Variants in NREP observed in about 807,000 individuals in gnomAD.
NREP encodes the protein neuronal regeneration related protein, also known as neuronal regeneration-related protein.
Under a neutral mutation model 8.6 loss-of-function variants are expected in NREP, and 5 were observed. The observed-to-expected ratio is 0.58, with a 90% CI of 0.30 to 1.22. The LOEUF (loss-of-function observed/expected upper bound fraction) is 1.22, where lower values mean the gene tolerates loss of function less well. Ranked by LOEUF, NREP falls within the 50% of genes most tolerant of loss-of-function variation. The probability of loss-of-function intolerance (pLI) is 0.07; values close to 1 mark genes in which losing one functional copy is unlikely to be tolerated. For missense variants in NREP, 86 were observed against 82.5 expected, an observed-to-expected ratio of 1.04 and a Z score of -0.17; for synonymous variants, 27 against 28.0, an observed-to-expected ratio of 0.96 and a Z score of 0.11.
chr5:111,969,011 T>C (rs1487891356), intron 2 of NREP, among the ~76,000 whole-genome samples: 3 of 152,200 alleles, frequency 2.0e-5, no homozygotes. Flanking sequence ...ACAGACACAA[T>C]GCATCCAGAG....
At chr5:111,785,930 G>A (rs1269725807) in intron 2 of NREP, among the ~76,000 whole-genome samples, 1 of 152,110 alleles carries the variant, frequency 6.6e-6, no homozygotes, top group Non-Finnish European at 1.5e-5. Flanking sequence ...TGCAGAGAGA[G>A]TATGAAAACA....
chr5:111,922,420 T>C (rs1755269471), intron 2 of NREP, among the ~76,000 whole-genome samples: 1 of 152,128 alleles, frequency 6.6e-6, no homozygotes, highest in South Asian at 2.1e-4. Context: ...GTCCTTTATG[T>C]TTGACATCGA....
intron 2 of NREP, chr5:111,739,414 C>A (rs924412259): frequency 2.6e-5 from 4 of 152,266 alleles, no homozygotes; most frequent in African/African-American, 9.6e-5. Context: ...TAACAAGACC[C>A]ACATGAACCC....
chr5:111,869,830 A>G (rs928633308), intron 2 of NREP, among the ~76,000 whole-genome samples: 2 of 152,166 alleles, frequency 1.3e-5, no homozygotes, highest in Admixed American at 1.3e-4. Flanking sequence ...AAGAGGAGGG[A>G]CCAGCCTAAA....
At chr5:111,919,284 A>G (rs779503051) in intron 2 of NREP, among the ~76,000 whole-genome samples, 22 of 152,194 alleles carry the variant, frequency 1.4e-4, no homozygotes, top group African/African-American at 4.1e-4. Flanking sequence ...GGGAGTGTAA[A>G]TTAGTTCAAC....
intron 2 of NREP, among the ~76,000 whole-genome samples, chr5:111,970,922 G>A (rs1369055358): frequency 6.6e-6 from 1 of 151,292 alleles, no homozygotes; most frequent in Non-Finnish European, 1.5e-5. Context: ...TTTCTCTTGC[G>A]ACAGCAGTTT....
intron 2 of NREP, among the ~76,000 whole-genome samples, chr5:111,883,662 A>T (rs1428779505): frequency 2.0e-5 from 3 of 152,244 alleles, no homozygotes; most frequent in Non-Finnish European, 4.4e-5. Context: ...ACTCAGGATT[A>T]AGACACTCAC....
intron 2 of NREP, among the ~76,000 whole-genome samples, chr5:111,913,299 T>C (rs1421944333): frequency 3.3e-5 from 5 of 152,152 alleles, no homozygotes; most frequent in Non-Finnish European, 5.9e-5. Context: ...AAAGCGGTCT[T>C]ATAAAATATC....
rs575948917 is a variant in NREP at position 111,776,818 on chromosome 5, G to A, written c.136-41311C>T. ...CTGGGGCATGGAAGACCATTCTAAA[G>A]TGATGGAAATATTCTATATCATGAT... On this transcript the variant is annotated intron_variant, in intron 2 of 3. Transcript: ENST00000395634. Among the ~76,000 whole-genome samples the A allele has an allele frequency of 3.0e-4, 45 of 152,274 alleles. No individual in the cohort carries two copies. The South Asian group carries it at 9.1e-3, about 31-fold the overall frequency.
Position 111,964,289 on chromosome 5 carries a change from T to A in NREP, c.135+10985A>T, listed in dbSNP as rs576993679. Among the ~76,000 whole-genome samples, 14 of 152,364 alleles carry A rather than the reference T, an allele frequency of 9.2e-5. No individual in the cohort carries two copies. In the South Asian group the frequency reaches 2.7e-3, roughly 29 times the overall value. Reference sequence around the variant, plus strand: ...AAAGTTGATGTATAGAGCTATAATTTGTTCATGTCATTGCTGTATAATATT... The same window carrying A: ...AAAGTTGATGTATAGAGCTATAATTAGTTCATGTCATTGCTGTATAATATT... On this transcript the variant is annotated intron_variant, in intron 2 of 3. Transcript: ENST00000395634.
At chr5:111,796,772 C>T (rs1461150821) in intron 2 of NREP, among the ~76,000 whole-genome samples, 1 of 152,026 alleles carries the variant, frequency 6.6e-6, no homozygotes, top group Non-Finnish European at 1.5e-5. Flanking sequence ...TTGGTCAGAC[C>T]TATAGGTAAT....
intron 3 of NREP, among the ~76,000 whole-genome samples, chr5:111,731,488 C>CTAA (rs147647553): frequency 0.044 from 6,645 of 149,884 alleles, 159 homozygotes; most frequent in African/African-American, 0.06. Context: ...AATCTATTTT[C>CTAA]TAATATGTAA....
At chr5:111,754,264 C>T (rs548767359) in intron 2 of NREP, among the ~76,000 whole-genome samples, 1 of 152,328 alleles carries the variant, frequency 6.6e-6, no homozygotes, top group South Asian at 2.1e-4. Context: ...GGCATGCTTA[C>T]CTTCTACAAA....
intron 2 of NREP, among the ~76,000 whole-genome samples, chr5:111,868,675 T>A (rs559380411): frequency 6.6e-6 from 1 of 152,282 alleles, no homozygotes; most frequent in African/African-American, 2.4e-5. Context: ...TCCATTTTCA[T>A]CACCTGTCAG....
chr5:111,961,822 T>C (rs925082400), intron 2 of NREP, among the ~76,000 whole-genome samples: 5 of 152,204 alleles, frequency 3.3e-5, no homozygotes, highest in African/African-American at 1.2e-4. Flanking sequence ...AGTGACCATT[T>C]TGAGTGGTGA....
At chr5:111,733,601 G>C (rs1748817833) in intron 3 of NREP, 1 of 151,944 alleles carries the variant, frequency 6.6e-6, no homozygotes, top group South Asian at 2.1e-4. Context: ...GGGACACAAA[G>C]AAGTCTTCTT....
rs142022211 is a variant in NREP at position 111,783,013 on chromosome 5, G to T, written c.136-47506C>A. On this transcript the variant is annotated intron_variant, in intron 2 of 3. Coordinates refer to the NREP transcript ENST00000395634. The stretch of plus-strand genomic sequence containing the variant: ...CTCCCAAAATTCTGGGATTACAGGT[G>T]TGAGTCACTGTGCCTGGCCCCACAC... Among the ~76,000 whole-genome samples, 274 of 152,178 alleles carry T rather than the reference G, an allele frequency of 1.8e-3. 2 individuals carry two copies. Among genetic ancestry groups the T allele is most frequent in the Admixed American group, 4.3e-3 (65 of 15,274 alleles).
Position 111,908,778 on chromosome 5 carries a change from T to G in NREP, c.135+66496A>C, listed in dbSNP as rs1754837408. On this transcript the variant is annotated intron_variant, in intron 2 of 3. Coordinates refer to the NREP transcript ENST00000395634. ...TTTAGGTAGAATGATTCATTTTCCT[T>G]TAGATATATACCCACTAACGGAATT... Among the ~76,000 whole-genome samples the G allele has an allele frequency of 2.0e-5, 3 of 152,078 alleles. No homozygotes were observed. The South Asian group carries it at 6.2e-4, about 32-fold the overall frequency.
At chr5:111,961,062 C>T (rs956551888) in intron 2 of NREP, among the ~76,000 whole-genome samples, 2 of 152,228 alleles carry the variant, frequency 1.3e-5, no homozygotes, top group Non-Finnish European at 2.9e-5. Flanking sequence ...CTTTCCACTT[C>T]CAATGTCTGT....
Sources: allele counts gnomAD v4.1 joint callset (sites outside exome capture counted in the v4.1 genomes callset), GRCh38; gene constraint gnomAD v4.1.1; transcripts MANE v1.5; gene names NCBI Gene and HGNC (gene_info 2026-07-23, HGNC 2026-07-21).